GALNT2: variants seen among roughly 807,000 people sequenced by gnomAD.
The protein encoded by GALNT2 is polypeptide N-acetylgalactosaminyltransferase 2.
A neutral mutation model predicts 81.4 loss-of-function variants in GALNT2; 31 were observed. That is an observed-to-expected ratio of 0.38 (90% CI 0.29 to 0.51). The LOEUF (loss-of-function observed/expected upper bound fraction) is 0.51. Among genes scored for constraint, GALNT2 ranks in the 20% least tolerant of loss-of-function variants. The pLI, the probability that GALNT2 is intolerant of heterozygous loss-of-function variation, is 0.87. For missense variants in GALNT2, 629 were observed against 765.7 expected, an observed-to-expected ratio of 0.82 and a Z score of 2.11; for synonymous variants, 303 against 287.4, an observed-to-expected ratio of 1.05 and a Z score of -0.55.
intron 3 of GALNT2, among the ~76,000 whole-genome samples, chr1:230,232,605 C>T (rs1018375060): frequency 6.6e-6 from 1 of 152,188 alleles, no homozygotes; most frequent in Non-Finnish European, 1.5e-5. Flanking sequence ...CTCAGCAATT[C>T]CCGCTGTGTT....
intron 1 of GALNT2, among the ~76,000 whole-genome samples, chr1:230,128,022 T>C (rs1028217011): frequency 6.6e-6 from 1 of 152,160 alleles, no homozygotes; most frequent in Non-Finnish European, 1.5e-5. Flanking sequence ...AATGGGATGA[T>C]TTGTCCCAAA....
At chr1:230,131,156 A>G (rs995013957) in intron 1 of GALNT2, among the ~76,000 whole-genome samples, 2 of 152,146 alleles carry the variant, frequency 1.3e-5, no homozygotes, top group African/African-American at 4.8e-5. Flanking sequence ...ATACCTTAAC[A>G]TATGTCCCTG....
Position 230,148,851 on chromosome 1 carries a change from T to C in GALNT2, c.127-29367T>C, listed in dbSNP as rs1662005332. On this transcript the variant is annotated intron_variant, in intron 1 of 15. Transcript: ENST00000366672. Reference sequence around the variant, plus strand: ...ATCCACCCACCTCACCCTCCCAAAGTGTTGGGATTACAGGCATAAGCCACC... The same window carrying C: ...ATCCACCCACCTCACCCTCCCAAAGCGTTGGGATTACAGGCATAAGCCACC... Among the ~76,000 whole-genome samples, 8 of 151,158 alleles carry C rather than the reference T, an allele frequency of 5.3e-5. No homozygotes were observed. In the South Asian group the frequency reaches 1.7e-3, roughly 32 times the overall value.
intron 3 of GALNT2, among the ~76,000 whole-genome samples, chr1:230,209,161 C>A (rs1664156961): frequency 1.3e-5 from 2 of 152,164 alleles, no homozygotes; most frequent in South Asian, 4.1e-4. Context: ...CCTCCTGAGC[C>A]TTGTAGCCCA....
At chr1:230,149,841 T>G (rs1352354864) in intron 1 of GALNT2, among the ~76,000 whole-genome samples, 1 of 152,196 alleles carries the variant, frequency 6.6e-6, no homozygotes, top group Non-Finnish European at 1.5e-5. Context: ...TTAAGAGTTC[T>G]GTCTCCAGAG....
At chr1:230,241,988 A>G (rs985161086) in intron 6 of GALNT2, among the ~76,000 whole-genome samples, 1 of 152,190 alleles carries the variant, frequency 6.6e-6, no homozygotes, top group African/African-American at 2.4e-5. Flanking sequence ...AGTCAGCCAA[A>G]GATTTAACAG....
At chr1:230,239,143 G>A (rs766903776) in intron 6 of GALNT2, among the ~76,000 whole-genome samples, 6 of 151,652 alleles carry the variant, frequency 4.0e-5, no homozygotes, top group African/African-American at 7.3e-5. Context: ...ACTGTTTGTC[G>A]GATTAGTATT....
At position 230,225,535 on chromosome 1, in the gene GALNT2, T is replaced by C. The variant is rs565330239; in HGVS notation, c.375-10479T>C. On this transcript the variant is annotated intron_variant, in intron 3 of 15. Coordinates refer to ENST00000366672, the MANE Select transcript of GALNT2 (RefSeq NM_004481.5). ...TTATTCCCAGTGGCTTAGGCTTGAC[T>C]CTCTCTGTGTTAGGCTTCATAGTCA... 1.2e-4 allele frequency among the ~76,000 whole-genome samples: 18 copies of C among 152,274 alleles called. No individual in the cohort carries two copies. The South Asian group carries it at 1.2e-3, about 11-fold the overall frequency.
intron 2 of GALNT2, among the ~76,000 whole-genome samples, chr1:230,189,847 A>G (rs566595828): frequency 7.2e-5 from 11 of 152,254 alleles, no homozygotes; most frequent in African/African-American, 2.6e-4. Flanking sequence ...TCCTGTTTCT[A>G]TGAATTTGGT....
intron 15 of GALNT2, among the ~76,000 whole-genome samples, chr1:230,276,045 ATGC>A (rs1558174678): frequency 6.9e-6 from 1 of 144,204 alleles, no homozygotes; most frequent in African/African-American, 2.8e-5. Flanking sequence ...ACGTATATAC[ATGC>A]CACATATATA....
intron 2 of GALNT2, among the ~76,000 whole-genome samples, chr1:230,181,339 A>G (rs1005845156): frequency 2.0e-5 from 3 of 150,012 alleles, no homozygotes; most frequent in African/African-American, 4.9e-5. Flanking sequence ...TTTTGCATCT[A>G]TTGATATGAT....
intron 13 of GALNT2, 106 bp downstream of exon 13, chr1:230,263,111 G>C: frequency 2.3e-6 from 2 of 883,126 alleles, no homozygotes; most frequent in South Asian, 2.9e-5. Context: ...GCATGAGATT[G>C]GGCACCTGGG....
At chr1:230,254,904 T>A (rs575143861) in intron 10 of GALNT2, among the ~76,000 whole-genome samples, 2 of 152,376 alleles carry the variant, frequency 1.3e-5, no homozygotes, top group Non-Finnish European at 2.9e-5. Flanking sequence ...GAGGCCTTTA[T>A]ATTTACAGTA....
At chr1:230,175,605 T>TCCTCCTCCC (rs1662950243) in intron 1 of GALNT2, among the ~76,000 whole-genome samples, 1 of 101,148 alleles carries the variant, frequency 9.9e-6, no homozygotes, top group Non-Finnish European at 1.9e-5. Flanking sequence ...CTCCTCGTCC[T>TCCTCCTCCC]CCTCCTCCCC....
chr1:230,208,313 G>C (rs1003169441), intron 3 of GALNT2, among the ~76,000 whole-genome samples: 40 of 152,242 alleles, frequency 2.6e-4, no homozygotes, highest in Admixed American at 1.0e-3. Flanking sequence ...TGGACTGGAG[G>C]GGGGTATGGC....
At chr1:230,103,187 G>C (rs1367636171) in intron 1 of GALNT2, among the ~76,000 whole-genome samples, 19 of 152,166 alleles carry the variant, frequency 1.2e-4, no homozygotes, top group Admixed American at 1.2e-3. Context: ...GACAGTTGTG[G>C]TCCTTTCATG....
chr1:230,252,840 CTTCT>C (rs1329107773), intron 10 of GALNT2, among the ~76,000 whole-genome samples: 4 of 80,548 alleles, frequency 5.0e-5, no homozygotes, highest in Non-Finnish European at 9.5e-5. Flanking sequence ...ATAGAGACAA[CTTCT>C]TTTTTTTTTT....
At chr1:230,185,269 CGTGCGTGTGT>C (rs1427331240) in intron 2 of GALNT2, among the ~76,000 whole-genome samples, 1 of 125,146 alleles carries the variant, frequency 8.0e-6, no homozygotes, top group African/African-American at 3.7e-5. Flanking sequence ...ACTGTGCGTG[CGTGCGTGTGT>C]GTGTGTGTGT....
chr1:230,204,167 T>C (rs1383492000), intron 3 of GALNT2, among the ~76,000 whole-genome samples: 3 of 137,036 alleles, frequency 2.2e-5, no homozygotes, highest in Non-Finnish European at 4.7e-5. Context: ...TTTTTCTTTT[T>C]CTTTTTTTTT....
Sources: allele counts gnomAD v4.1 joint callset (sites outside exome capture counted in the v4.1 genomes callset), GRCh38; gene constraint gnomAD v4.1.1; transcripts MANE v1.5; gene names NCBI Gene and HGNC (gene_info 2026-07-23, HGNC 2026-07-21).